The following LRRTM4 variants were observed in gnomAD, a reference collection of about 807,000 sequenced individuals.
LRRTM4 encodes leucine-rich repeat transmembrane neuronal protein 4.
A neutral mutation model predicts 47.6 loss-of-function variants in LRRTM4; 25 were observed. The ratio of observed to expected loss-of-function variants is 0.53; its 90% confidence interval spans 0.38 to 0.73. The LOEUF (loss-of-function observed/expected upper bound fraction) is 0.73, where lower values mean the gene tolerates loss of function less well. Ranked by LOEUF, LRRTM4 falls within the 30% of genes least tolerant of loss-of-function variation. The pLI, the probability that LRRTM4 is intolerant of heterozygous loss-of-function variation, is 0.00. For synonymous variants in LRRTM4, 311 were observed against 269.5 expected, an observed-to-expected ratio of 1.15 and a Z score of -1.51; for missense variants, 638 against 713.4, an observed-to-expected ratio of 0.89 and a Z score of 1.20.
chr2:76,974,239 T>TATAC (rs1676340171), intron 3 of LRRTM4, among the ~76,000 whole-genome samples: 2 of 114,592 alleles, frequency 1.7e-5, no homozygotes, highest in South Asian at 2.4e-4. Flanking sequence ...TATATATATA[T>TATAC]ACATATATAT....
At chr2:76,863,457 T>C (rs1419202884) in intron 3 of LRRTM4, among the ~76,000 whole-genome samples, 1 of 152,284 alleles carries the variant, frequency 6.6e-6, no homozygotes, top group East Asian at 1.9e-4. Context: ...CTTAGGCTGG[T>C]GTATATGTGT....
intron 3 of LRRTM4, among the ~76,000 whole-genome samples, chr2:76,835,253 A>T (rs912349012): frequency 2.0e-5 from 3 of 151,892 alleles, no homozygotes; most frequent in African/African-American, 7.2e-5. Flanking sequence ...AATAAAGTTA[A>T]AAAAATATAT....
At chr2:77,083,029 AAT>A (rs1224009520) in intron 3 of LRRTM4, among the ~76,000 whole-genome samples, 2 of 152,152 alleles carry the variant, frequency 1.3e-5, no homozygotes, top group African/African-American at 2.4e-5. Context: ...ATAACTTTTA[AAT>A]ATATCAGTAT....
intron 3 of LRRTM4, among the ~76,000 whole-genome samples, chr2:77,075,894 G>T (rs11126583): frequency 0.39 from 43,220 of 111,212 alleles, 9,231 homozygotes; most frequent in East Asian, 0.66. Context: ...CAGCCTGGGC[G>T]ACAGAGCGAG....
chr2:77,022,737 C>T (rs185554050), intron 3 of LRRTM4, among the ~76,000 whole-genome samples: 2 of 152,314 alleles, frequency 1.3e-5, no homozygotes, highest in African/African-American at 4.8e-5. Flanking sequence ...GAAATGGGTT[C>T]CCATGGTCTT....
At chr2:76,975,994 G>GAAGAAAA (rs1676406520) in intron 3 of LRRTM4, among the ~76,000 whole-genome samples, 1 of 151,536 alleles carries the variant, frequency 6.6e-6, no homozygotes, top group Non-Finnish European at 1.5e-5. Flanking sequence ...TTCATTTCTT[G>GAAGAAAA]CTTCTAATTC....
chr2:76,819,851 A>G (rs1308414322), intron 3 of LRRTM4, among the ~76,000 whole-genome samples: 1 of 151,936 alleles, frequency 6.6e-6, no homozygotes, highest in Non-Finnish European at 1.5e-5. Flanking sequence ...TGAAAGGTGA[A>G]ACCACCTACT....
chr2:77,516,728 G>A, intron 3 of LRRTM4: 1 of 966,390 alleles, frequency 1.0e-6, no homozygotes, highest in Non-Finnish European at 1.2e-6. Context: ...TTTCCTTTTA[G>A]GAATTTATTA....
intron 3 of LRRTM4, among the ~76,000 whole-genome samples, chr2:76,873,509 T>TAC (rs1553423243): frequency 2.2e-5 from 3 of 134,748 alleles, no homozygotes; most frequent in Non-Finnish European, 4.6e-5. Flanking sequence ...TATGTGTGTA[T>TAC]ATATATATAT....
chr2:77,332,028 T>A (rs920085649), intron 3 of LRRTM4, among the ~76,000 whole-genome samples: 1 of 152,180 alleles, frequency 6.6e-6, no homozygotes, highest in African/African-American at 2.4e-5. Context: ...GTGACAGATA[T>A]TATCATAAAT....
intron 3 of LRRTM4, among the ~76,000 whole-genome samples, chr2:77,366,873 G>C (rs755487717): frequency 6.6e-6 from 1 of 151,690 alleles, no homozygotes; most frequent in Non-Finnish European, 1.5e-5. Flanking sequence ...TGTGTTGGTC[G>C]TTTAGCCCCC....
chr2:77,070,283 T>C (rs1680108751), intron 3 of LRRTM4, among the ~76,000 whole-genome samples: 2 of 152,144 alleles, frequency 1.3e-5, no homozygotes, highest in South Asian at 4.1e-4. Flanking sequence ...TGCATGACTT[T>C]GGTTAGTTTC....
At chr2:77,194,738 G>C (rs1673765550) in intron 3 of LRRTM4, among the ~76,000 whole-genome samples, 1 of 151,930 alleles carries the variant, frequency 6.6e-6, no homozygotes, top group African/African-American at 2.4e-5. Context: ...TGGGTAACAG[G>C]ACCTGGGTAA....
intron 3 of LRRTM4, among the ~76,000 whole-genome samples, chr2:76,998,104 C>T (rs1677267997): frequency 2.0e-5 from 3 of 151,962 alleles, no homozygotes; most frequent in Non-Finnish European, 4.4e-5. Context: ...TTGCACAATA[C>T]ATGTAATATG....
intron 3 of LRRTM4, among the ~76,000 whole-genome samples, chr2:76,834,186 G>A (rs1283345194): frequency 6.7e-6 from 1 of 149,776 alleles, no homozygotes; most frequent in Non-Finnish European, 1.5e-5. Context: ...GATTACAGGT[G>A]CCCGCCAGCA....
At chr2:76,815,059 T>A (rs1368739355) in intron 3 of LRRTM4, among the ~76,000 whole-genome samples, 1 of 152,024 alleles carries the variant, frequency 6.6e-6, no homozygotes, top group Non-Finnish European at 1.5e-5. Flanking sequence ...AGCTTCACTG[T>A]GCTTGTTCTA....
intron 3 of LRRTM4, among the ~76,000 whole-genome samples, chr2:76,927,233 T>G (rs539655990): frequency 3.3e-5 from 5 of 152,090 alleles, no homozygotes; most frequent in Non-Finnish European, 4.4e-5. Context: ...TATTCTTACA[T>G]GACCACCCTA....
intron 3 of LRRTM4, among the ~76,000 whole-genome samples, chr2:77,391,890 T>G (rs1256285747): frequency 6.6e-6 from 1 of 151,954 alleles, no homozygotes; most frequent in East Asian, 1.9e-4. Context: ...AGCAATAGGA[T>G]ACCAACTCCA....
intron 3 of LRRTM4, among the ~76,000 whole-genome samples, chr2:77,402,087 T>C (rs1384458527): frequency 6.6e-6 from 1 of 151,980 alleles, no homozygotes; most frequent in Non-Finnish European, 1.5e-5. Context: ...TAAATAAAAA[T>C]ATTATGCATT....
Sources: allele counts gnomAD v4.1 joint callset (sites outside exome capture counted in the v4.1 genomes callset), GRCh38; gene constraint gnomAD v4.1.1; transcripts MANE v1.5; gene names NCBI Gene and HGNC (gene_info 2026-07-23, HGNC 2026-07-21).